Variants in DSCAM observed in about 807,000 individuals in gnomAD.
DSCAM encodes the protein DS cell adhesion molecule.
A neutral mutation model predicts 217.7 loss-of-function variants in DSCAM; 47 were observed. The ratio of observed to expected loss-of-function variants is 0.22; its 90% CI spans 0.17 to 0.28. DSCAM has a LOEUF of 0.28. Among genes scored for constraint, DSCAM ranks in the 10% least tolerant of loss-of-function variants. The probability of loss-of-function intolerance (pLI) is 1.00; values close to 1 mark genes in which losing one functional copy is unlikely to be tolerated. For synonymous variants in DSCAM, 1,056 were observed against 1,015.3 expected (o/e 1.04, Z -0.76); for missense variants, 2,080 against 2,618.3 (o/e 0.79, Z 4.49).
At chr21:40,526,574 C>CG (rs2076402378) in intron 3 of DSCAM, among the ~76,000 whole-genome samples, 1 of 151,794 alleles carries the variant, frequency 6.6e-6, no homozygotes, top group Admixed American at 6.6e-5. Context: ...TAGGTGAGGC[C>CG]GGGGGGTGGG....
chr21:40,594,519 G>C (rs1568927417), intron 3 of DSCAM, among the ~76,000 whole-genome samples: 1 of 152,166 alleles, frequency 6.6e-6, no homozygotes, highest in Non-Finnish European at 1.5e-5. Flanking sequence ...AGACTGCTGT[G>C]AGTATTCAAT....
rs2089543153 is a variant in DSCAM, at chr21:40,087,114, T to G, written c.3968+56A>C. The G allele has an allele frequency of 3.1e-6, 4 of 1,288,788 alleles. No homozygotes were observed. In the Admixed American group the frequency reaches 6.7e-5, roughly 22 times the overall value. 79.8% of individuals were successfully genotyped at this position (1,288,788 alleles called of 1,614,324 possible). Reference sequence around the variant, plus strand: ...GAGACCACTAGACACAACCTGAGTATGTCAGATGTAATCTCTTAGAGTCTC... The same window carrying G: ...GAGACCACTAGACACAACCTGAGTAGGTCAGATGTAATCTCTTAGAGTCTC... On this transcript the variant is annotated intron_variant, in intron 22 of 32. Coordinates refer to ENST00000400454, the MANE Select transcript of DSCAM (RefSeq NM_001389.5).
chr21:40,229,007 G>C (rs1179587459), intron 11 of DSCAM, among the ~76,000 whole-genome samples: 1 of 152,170 alleles, frequency 6.6e-6, no homozygotes, highest in East Asian at 1.9e-4. Flanking sequence ...GTACCACACA[G>C]CTCATTCTAG....
intron 24 of DSCAM, among the ~76,000 whole-genome samples, chr21:40,081,477 T>G (rs1050115200): frequency 1.3e-5 from 2 of 152,088 alleles, no homozygotes; most frequent in Admixed American, 6.5e-5. Context: ...CCCTCACCAC[T>G]GGCCTTCTGT....
intron 3 of DSCAM, among the ~76,000 whole-genome samples, chr21:40,595,336 C>T (rs2077013475): frequency 6.6e-6 from 1 of 150,992 alleles, no homozygotes; most frequent in Non-Finnish European, 1.5e-5. Context: ...CCTGATCACA[C>T]CACTGCACTC....
At chr21:40,182,242 T>G (rs2090812358) in intron 14 of DSCAM, among the ~76,000 whole-genome samples, 1 of 151,798 alleles carries the variant, frequency 6.6e-6, no homozygotes. Flanking sequence ...TTCATGTTGG[T>G]GAATAGGAGG....
intron 29 of DSCAM, among the ~76,000 whole-genome samples, chr21:40,052,703 C>T (rs1329491878): frequency 6.6e-6 from 1 of 152,214 alleles, no homozygotes; most frequent in Non-Finnish European, 1.5e-5. Context: ...TTCTTCCCAC[C>T]TCCTGTAAGC....
chr21:40,655,459 T>G (rs11700567), intron 3 of DSCAM, among the ~76,000 whole-genome samples: 26,996 of 150,050 alleles, frequency 0.18, 2,575 homozygotes, highest in South Asian at 0.21. Flanking sequence ...TTTTTTTTTT[T>G]TGAGACAGGG....
At chr21:40,579,288 A>T (rs2076884044) in intron 3 of DSCAM, among the ~76,000 whole-genome samples, 1 of 151,970 alleles carries the variant, frequency 6.6e-6, no homozygotes, top group African/African-American at 2.4e-5. Flanking sequence ...AAAAAACCTC[A>T]ATAAAACTTC....
At chr21:40,514,919 G>GT (rs1456820757) in intron 3 of DSCAM, among the ~76,000 whole-genome samples, 1 of 152,190 alleles carries the variant, frequency 6.6e-6, no homozygotes, top group Non-Finnish European at 1.5e-5. Flanking sequence ...CGGCAAGGGT[G>GT]TTGTCTTGGA....
chr21:40,226,310 CT>C (rs2091332419), intron 11 of DSCAM, among the ~76,000 whole-genome samples: 2 of 152,166 alleles, frequency 1.3e-5, no homozygotes, highest in East Asian at 3.9e-4. Flanking sequence ...TTATTTATTA[CT>C]TGGTAGACAA....
intron 10 of DSCAM, among the ~76,000 whole-genome samples, chr21:40,292,969 C>G (rs548513294): frequency 6.6e-6 from 1 of 152,204 alleles, no homozygotes; most frequent in South Asian, 2.1e-4. Context: ...ATCTCCTGAC[C>G]TCATGATCCG....
intron 16 of DSCAM, among the ~76,000 whole-genome samples, chr21:40,149,304 ACCAT>A: frequency 7.0e-6 from 1 of 143,386 alleles, no homozygotes; most frequent in African/African-American, 2.7e-5. Flanking sequence ...TATCACCACC[ACCAT>A]CCGTCACTTC....
intron 3 of DSCAM, among the ~76,000 whole-genome samples, chr21:40,680,203 G>C (rs1268573382): frequency 6.6e-6 from 1 of 152,114 alleles, no homozygotes; most frequent in African/African-American, 2.4e-5. Context: ...ACGTAACTTG[G>C]TCCAGGTTGA....
intron 3 of DSCAM, among the ~76,000 whole-genome samples, chr21:40,530,490 CATG>C: frequency 6.6e-6 from 1 of 152,174 alleles, no homozygotes; most frequent in East Asian, 1.9e-4. Context: ...CATTCTGTGT[CATG>C]ATAAGACAAT....
At chr21:40,281,614 C>T (rs547006383) in intron 10 of DSCAM, among the ~76,000 whole-genome samples, 6 of 152,176 alleles carry the variant, frequency 3.9e-5, no homozygotes, top group Non-Finnish European at 7.4e-5. Context: ...TCCTTCAGTG[C>T]TAGCTGAGGG....
At chr21:40,490,965 C>T (rs2076071688) in intron 3 of DSCAM, among the ~76,000 whole-genome samples, 1 of 152,120 alleles carries the variant, frequency 6.6e-6, no homozygotes, top group African/African-American at 2.4e-5. Context: ...CATGGATGAG[C>T]TCCATTATTC....
In DSCAM at chr21:40,846,652, G is replaced by A. The variant is rs1555894804; in HGVS notation, c.10C>T (p.Leu4=). 7.8e-7 allele frequency: 1 copy of A among 1,281,456 alleles called. No individual in the cohort carries two copies. Among genetic ancestry groups the A allele is most frequent in the Non-Finnish European group, 9.9e-7 (1 of 1,007,570 alleles). 79.4% of individuals were successfully genotyped at this position (1,281,456 alleles called of 1,614,324 possible). A position where few individuals can be genotyped will look rare whatever the true frequency, so the allele number is the denominator to read the frequency against. ...AAGCTCTGGAACAAGGAGAGAGCCA[G>A]TATCCACATGCCCCTGCCGCTCCCC... MWI[L]ALSLFQSFAN... is the part of the protein sequence containing the mutation. Residue 4 remains leucine, a synonymous_variant, in exon 1 of 33, where the codon CTG becomes TTG. Transcript: ENST00000400454.
At chr21:40,595,350 C>A (rs1601774372) in intron 3 of DSCAM, among the ~76,000 whole-genome samples, 1 of 150,228 alleles carries the variant, frequency 6.7e-6, no homozygotes, top group Non-Finnish European at 1.5e-5. Flanking sequence ...TGCACTCCAG[C>A]CTGGGTGACA....
Sources: gnomAD v4.1 joint callset for allele counts (sites outside exome capture counted in the v4.1 genomes callset) on GRCh38, gnomAD v4.1.1 for gene constraint, MANE v1.5 for transcripts, NCBI Gene and HGNC (gene_info 2026-07-23, HGNC 2026-07-21) for gene names.